The following CDH18 variants were observed in gnomAD, a reference collection of about 807,000 sequenced individuals.
CDH18 encodes the protein cadherin-18.
CDH18 carries 31 observed loss-of-function variants against 67.9 expected under a neutral mutation model. The observed-to-expected ratio is 0.46, with a 90% CI of 0.34 to 0.62. The LOEUF (loss-of-function observed/expected upper bound fraction) is 0.62, where lower values mean the gene tolerates loss of function less well. Among genes scored for constraint, CDH18 ranks in the 20% least tolerant of loss-of-function variants. The pLI is 0.01. For missense variants in CDH18, 890 were observed against 975.5 expected (o/e 0.91, Z 1.17); for synonymous variants, 362 against 347.2 (o/e 1.04, Z -0.48).
intron 3 of CDH18, among the ~76,000 whole-genome samples, chr5:19,764,777 T>C (rs770371049): frequency 3.9e-5 from 6 of 152,130 alleles, no homozygotes; most frequent in Non-Finnish European, 5.9e-5. Flanking sequence ...CAGAATGTTT[T>C]ACCACTCTTT....
At chr5:19,540,533 C>A (rs940147431) in intron 9 of CDH18, among the ~76,000 whole-genome samples, 1 of 152,150 alleles carries the variant, frequency 6.6e-6, no homozygotes, top group Admixed American at 6.5e-5. Flanking sequence ...AGGACTCACC[C>A]CAGGAGCAAA....
chr5:19,519,352 A>C (rs1746533120), intron 10 of CDH18, among the ~76,000 whole-genome samples: 1 of 152,198 alleles, frequency 6.6e-6, no homozygotes. Context: ...AAACACAAAA[A>C]AGGATGCTTC....
At chr5:20,344,537 A>G (rs1368792396) in intron 1 of CDH18, among the ~76,000 whole-genome samples, 1 of 150,504 alleles carries the variant, frequency 6.6e-6, no homozygotes, top group African/African-American at 2.5e-5. Flanking sequence ...CAGAGCAATA[A>G]TGGCCCCTTA....
intron 5 of CDH18, among the ~76,000 whole-genome samples, chr5:19,682,959 T>C (rs1351695653): frequency 6.6e-6 from 1 of 152,104 alleles, no homozygotes. Flanking sequence ...TATACATGTA[T>C]TATTCATCAT....
chr5:20,278,234 T>C lies in CDH18; in HGVS notation c.-579-22729A>G, dbSNP rs191778308. On this transcript the variant is annotated intron_variant, in intron 1 of 14. Coordinates refer to the CDH18 transcript ENST00000507958. The stretch of plus-strand genomic sequence containing the variant: ...TTAGTAATCAAACTCCCAAAGAGCA[T>C]GGATAAAGAAAGGATCCTAAAAGCA... 1.6e-3 allele frequency among the ~76,000 whole-genome samples: 242 copies of C among 152,108 alleles called. 1 individual carries two copies. The highest frequency in any genetic ancestry group is 5.5e-3 in the African/African-American group (229 of 41,504).
At chr5:20,530,264 T>C (rs1486879929) in intron 1 of CDH18, among the ~76,000 whole-genome samples, 4 of 151,934 alleles carry the variant, frequency 2.6e-5, no homozygotes, top group African/African-American at 9.7e-5. Context: ...AAACATTCTA[T>C]GCTAAAAGAT....
At chr5:20,348,140 T>C (rs1451704705) in intron 1 of CDH18, among the ~76,000 whole-genome samples, 1 of 152,200 alleles carries the variant, frequency 6.6e-6, no homozygotes, top group Non-Finnish European at 1.5e-5. Context: ...CTAGATCTTC[T>C]AGTAAATTTG....
intron 5 of CDH18, among the ~76,000 whole-genome samples, chr5:19,627,645 A>G (rs1440974016): frequency 6.6e-6 from 1 of 152,214 alleles, no homozygotes; most frequent in East Asian, 1.9e-4. Context: ...TATATCTGTA[A>G]AATTTATATA....
chr5:19,692,633 T>C (rs571677402), intron 5 of CDH18, among the ~76,000 whole-genome samples: 2 of 152,030 alleles, frequency 1.3e-5, no homozygotes, highest in African/African-American at 4.8e-5. Context: ...AGAATAATAC[T>C]AGATATCACT....
intron 2 of CDH18, among the ~76,000 whole-genome samples, chr5:19,861,287 T>TG (rs1784871343): frequency 2.1e-5 from 1 of 47,668 alleles, no homozygotes; most frequent in Non-Finnish European, 8.3e-5. Context: ...GAGGTACAGA[T>TG]GGGTTTTTTT....
At chr5:20,431,506 A>G (rs1748741234) in intron 1 of CDH18, among the ~76,000 whole-genome samples, 2 of 140,506 alleles carry the variant, frequency 1.4e-5, no homozygotes, top group African/African-American at 5.1e-5. Flanking sequence ...AAAAAAAAAA[A>G]GAAGAAGAAA....
At chr5:20,520,907 T>G (rs1043680015) in intron 1 of CDH18, among the ~76,000 whole-genome samples, 4 of 152,194 alleles carry the variant, frequency 2.6e-5, no homozygotes, top group African/African-American at 9.7e-5. Flanking sequence ...GGCATGGTCA[T>G]GATTGGTAGT....
intron 3 of CDH18, among the ~76,000 whole-genome samples, chr5:19,819,968 G>A (rs1205549042): frequency 6.6e-6 from 1 of 152,142 alleles, no homozygotes; most frequent in Non-Finnish European, 1.5e-5. Context: ...CCTGAGAGCA[G>A]TTTGCCCCTC....
intron 2 of CDH18, among the ~76,000 whole-genome samples, chr5:20,251,282 G>A (rs769455822): frequency 1.9e-4 from 29 of 151,918 alleles, no homozygotes; most frequent in Non-Finnish European, 3.5e-4. Context: ...TTTGCATTCT[G>A]GGACAGGAAG....
chr5:19,660,818 A>T (rs997071247), intron 5 of CDH18, among the ~76,000 whole-genome samples: 3 of 152,040 alleles, frequency 2.0e-5, no homozygotes, highest in Non-Finnish European at 4.4e-5. Context: ...TAGCACTTTG[A>T]TTTCAGCTGT....
chr5:19,930,647 A>ATGCT (rs1477703842), intron 2 of CDH18, among the ~76,000 whole-genome samples: 2 of 152,128 alleles, frequency 1.3e-5, no homozygotes, highest in East Asian at 3.9e-4. Context: ...GTAAGGTAGC[A>ATGCT]AGTGTAGAGT....
At position 19,520,464 on chromosome 5, in the gene CDH18, C is replaced by T. The variant is rs147676608; in HGVS notation, c.1512+193G>A. Among the ~76,000 whole-genome samples, 1,288 of 152,224 alleles carry T rather than the reference C, an allele frequency of 8.5e-3. 11 individuals are homozygous for T. The highest frequency in any genetic ancestry group is 0.031 in the South Asian group (150 of 4,822). ...GAATTCATTTTTCTGAGTTACATTT[C>T]GGATCCAAAGAAAATTCAATTGCTT... On this transcript the variant is annotated intron_variant, in intron 10 of 12. Transcript: ENST00000382275.
intron 5 of CDH18, among the ~76,000 whole-genome samples, chr5:19,646,746 A>T (rs1343462754): frequency 6.6e-6 from 1 of 152,202 alleles, no homozygotes; most frequent in Non-Finnish European, 1.5e-5. Flanking sequence ...TTTCTTCTGG[A>T]GAATAGTAAA....
chr5:19,481,582 T>G (rs1318397401), intron 12 of CDH18, among the ~76,000 whole-genome samples: 1 of 152,292 alleles, frequency 6.6e-6, no homozygotes, highest in Middle Eastern at 3.4e-3. Flanking sequence ...AATGGGACTC[T>G]CTAGCTTTAA....
Sources: gnomAD v4.1 joint callset for allele counts (sites outside exome capture counted in the v4.1 genomes callset) on GRCh38, gnomAD v4.1.1 for gene constraint, MANE v1.5 for transcripts, NCBI Gene and HGNC (gene_info 2026-07-23, HGNC 2026-07-21) for gene names.